Variants in CPA3 observed in about 807,000 individuals in gnomAD.
The protein encoded by CPA3 is carboxypeptidase A3, also known as mast cell carboxypeptidase A.
A neutral mutation model predicts 55.8 loss-of-function variants in CPA3; 52 were observed. The ratio of observed to expected loss-of-function variants is 0.93; its 90% CI spans 0.75 to 1.17. The LOEUF is 1.17. CPA3 is among the 50% of genes most tolerant of loss of function. CPA3 has a pLI of 0.00. For synonymous variants in CPA3, 179 were observed against 171.2 expected, an observed-to-expected ratio of 1.05 and a Z score of -0.36; for missense variants, 547 against 509.1, an observed-to-expected ratio of 1.07 and a Z score of -0.72.
intron 3 of CPA3, chr3:148,870,055 T>C (rs1337145787): frequency 5.5e-5 from 7 of 126,328 alleles, no homozygotes; most frequent in African/African-American, 2.2e-4. Context: ...ATCGCGCCAC[T>C]GCACTCCAGC....
Position 148,881,528 on chromosome 3 carries a change from A to G in CPA3, c.583A>G (p.Lys195Glu). The G allele has an allele frequency of 6.2e-7, 1 of 1,610,322 alleles. No homozygotes were observed. Among genetic ancestry groups the G allele is most frequent in the Non-Finnish European group, 8.5e-7 (1 of 1,177,764 alleles). The change falls in exon 7 of 11, where the codon AAA (lysine) becomes GAA (glutamate). Residue 195 changes from lysine to glutamate, a missense_variant. Lys to Glu is a moderately conservative substitution (Grantham distance 56). Transcript: ENST00000296046. ...FCQWFVYQATKTYGRNKIMTK... is the reference protein window; with the variant it reads ...FCQWFVYQATETYGRNKIMTK... ...TTTTTTTCACCTCCGACAGGCAACC[A>G]AAACTTATGGGAGAAACAAAATTAT...
chr3:148,885,396 A>G (rs1714499988), intron 9 of CPA3, among the ~76,000 whole-genome samples: 1 of 147,320 alleles, frequency 6.8e-6, no homozygotes, highest in South Asian at 2.1e-4. Flanking sequence ...AATCGACTGC[A>G]TATTTAAGTC....
At chr3:148,880,822 C>T (rs1216575687) in intron 6 of CPA3, among the ~76,000 whole-genome samples, 2 of 152,018 alleles carry the variant, frequency 1.3e-5, no homozygotes, top group Non-Finnish European at 2.9e-5. Context: ...AAGAATCCAC[C>T]AGGAAGTGAC....
At chr3:148,868,481 T>C (rs1450257219) in intron 2 of CPA3, among the ~76,000 whole-genome samples, 1 of 152,144 alleles carries the variant, frequency 6.6e-6, no homozygotes, top group African/African-American at 2.4e-5. Flanking sequence ...TTTGATACAA[T>C]ATCTTGTATC....
At chr3:148,870,440 T>G (rs1180459476) in intron 3 of CPA3, among the ~76,000 whole-genome samples, 1 of 152,180 alleles carries the variant, frequency 6.6e-6, no homozygotes, top group Non-Finnish European at 1.5e-5. Flanking sequence ...CCACAATATC[T>G]CAAATAAACT....
intron 10 of CPA3, among the ~76,000 whole-genome samples, chr3:148,891,481 T>TACAC (rs3046005): frequency 2.5e-4 from 37 of 146,880 alleles, no homozygotes; most frequent in East Asian, 1.2e-3. Flanking sequence ...CCCTGTCACA[T>TACAC]ACACACACAC....
chr3:148,896,639 C>A lies in CPA3; in HGVS notation c.1186C>A (p.Pro396Thr). ...GFLLPESRIK[P>T]TCRETMLAVK... ...TCTCCTTCCAGAATCCCGGATAAAG[C>A]CAACGTGCAGAGAGACCATGCTAGC... The change falls in exon 11 of 11, where the codon CCA becomes ACA. Residue 396 changes from proline to threonine, a missense_variant. Pro to Thr is a conservative substitution (Grantham distance 38, BLOSUM62 -1). Coordinates refer to ENST00000296046, the MANE Select transcript of CPA3 (RefSeq NM_001870.4). The A allele has an allele frequency of 6.3e-7, 1 of 1,590,570 alleles. No individual in the cohort carries two copies. The highest frequency in any genetic ancestry group is 8.6e-7 in the Non-Finnish European group (1 of 1,162,352).
chr3:148,880,651 A>T (rs1714338205), intron 6 of CPA3, among the ~76,000 whole-genome samples: 1 of 152,072 alleles, frequency 6.6e-6, no homozygotes, highest in African/African-American at 2.4e-5. Context: ...CTTTTTTAAA[A>T]GGTTTATCTA....
At chr3:148,877,502 A>G (rs1176397373) in intron 3 of CPA3, among the ~76,000 whole-genome samples, 7 of 151,712 alleles carry the variant, frequency 4.6e-5, no homozygotes, top group Non-Finnish European at 1.0e-4. Context: ...CTAAAAAAAA[A>G]AGAAAGAAAG....
rs1385559153 is a variant in CPA3 at position 148,883,751 on chromosome 3, A to G, written c.917A>G (p.Tyr306Cys). The change falls in exon 9 of 11, where the codon TAC (tyrosine) becomes TGC (cysteine). Residue 306 changes from tyrosine (Y) to cysteine (C), a missense_variant. Tyr to Cys is a radical substitution (Grantham distance 194). Transcript: ENST00000296046. Reference sequence around the variant, plus strand: ...AAGGTTTACATCACCTTCCATTCCTACTCCCAGATGCTATTGTTTCCCTAT... The same window carrying G: ...AAGGTTTACATCACCTTCCATTCCTGCTCCCAGATGCTATTGTTTCCCTAT... ...EIKVYITFHS[Y>C]SQMLLFPYGY... is the part of the protein sequence containing the mutation. 3 of 1,613,720 alleles carry G rather than the reference A, an allele frequency of 1.9e-6. No individual in the cohort carries two copies. The highest frequency in any genetic ancestry group is 1.7e-5 in the Admixed American group (1 of 59,970).
intron 3 of CPA3, 38 bp from the exon 4 acceptor site, chr3:148,878,403 T>C: frequency 7.3e-7 from 1 of 1,378,126 alleles, no homozygotes; most frequent in Middle Eastern, 1.9e-4. Context: ...TCCTTTCTCA[T>C]GATAAAACAT....
At chr3:148,881,355 TCCCC>T in intron 6 of CPA3, 163 bp from the exon 7 acceptor site, 1 of 493,802 alleles carries the variant, frequency 2.0e-6, no homozygotes. Flanking sequence ...TAGGTTTTTT[TCCCC>T]TTTAAACTAT....
At chr3:148,885,761 C>T (rs1714512786) in intron 9 of CPA3, among the ~76,000 whole-genome samples, 1 of 152,010 alleles carries the variant, frequency 6.6e-6, no homozygotes, top group African/African-American at 2.4e-5. Flanking sequence ...CTCGTTTAAC[C>T]ATTTATTTTA....
intron 10 of CPA3, among the ~76,000 whole-genome samples, chr3:148,886,467 T>C (rs562206039): frequency 6.6e-5 from 10 of 152,294 alleles, no homozygotes; most frequent in African/African-American, 2.4e-4. Context: ...TACCTTCCTG[T>C]TTCCCACCTG....
intron 5 of CPA3, 46 bp from the exon 6 acceptor site, chr3:148,879,742 T>A (rs1479472567): frequency 1.2e-5 from 15 of 1,232,470 alleles, no homozygotes; most frequent in Non-Finnish European, 1.8e-5. Context: ...AAGGGATCAA[T>A]GTGTGAGTTT....
chr3:148,865,628 T>C (rs1713881155), intron 2 of CPA3, 80 bp downstream of exon 2: 2 of 1,246,342 alleles, frequency 1.6e-6, no homozygotes, highest in Non-Finnish European at 2.3e-6. Flanking sequence ...TCAATGCCCA[T>C]GGGACTACAA....
chr3:148,874,879 G>A lies in CPA3; in HGVS notation c.270-3562G>A, dbSNP rs115451129. ...CCTGCTTTAAAAACATGTTATGACT[G>A]TAAAATGGTTGTCGATTTTATGACC... is the stretch of plus-strand genomic sequence containing the variant. On this transcript the variant is annotated intron_variant, in intron 3 of 10. Coordinates refer to ENST00000296046, the MANE Select transcript of CPA3 (RefSeq NM_001870.4). 1.9e-3 allele frequency among the ~76,000 whole-genome samples: 291 copies of A among 152,326 alleles called. 2 individuals are homozygous for A. The highest frequency in any genetic ancestry group is 6.7e-3 in the African/African-American group (280 of 41,582).
intron 2 of CPA3, among the ~76,000 whole-genome samples, chr3:148,866,561 C>T (rs543569541): frequency 9.2e-5 from 14 of 152,312 alleles, no homozygotes; most frequent in Admixed American, 2.0e-4. Context: ...CAAAGTCAAA[C>T]GCTTACATTC....
chr3:148,883,819 CG>C lies in CPA3; in HGVS notation c.981+5del. On this transcript the variant is annotated splice_donor_5th_base_variant and intron_variant, in intron 9 of 10. Coordinates refer to ENST00000296046, the MANE Select transcript of CPA3 (RefSeq NM_001870.4). ...GCCACCTAACCATGAGGACTTGGTA[CG>C]TAGACAAAAGTTTGCACTTCATGCA... 6.2e-7 allele frequency: 1 copy of C among 1,610,252 alleles called. No individual in the cohort carries two copies. The highest frequency in any genetic ancestry group is 8.5e-7 in the Non-Finnish European group (1 of 1,176,578).
Sources: gnomAD v4.1 joint callset for allele counts (sites outside exome capture counted in the v4.1 genomes callset) on GRCh38, gnomAD v4.1.1 for gene constraint, MANE v1.5 for transcripts, NCBI Gene and HGNC (gene_info 2026-07-23, HGNC 2026-07-21) for gene names.